CXorf38: variants seen among roughly 807,000 people sequenced by gnomAD.
CXorf38 encodes the protein chromosome X open reading frame 38.
A neutral mutation model predicts 27.5 loss-of-function variants in CXorf38; 13 were observed. The ratio of observed to expected loss-of-function variants is 0.47; its 90% CI spans 0.31 to 0.75. The LOEUF is 0.75. CXorf38 is among the 30% of genes least tolerant of loss of function. CXorf38 has a pLI of 0.05. For missense variants in CXorf38, 240 were observed against 253.2 expected, an observed-to-expected ratio of 0.95 and a Z score of 0.35; for synonymous variants, 100 against 99.8, an observed-to-expected ratio of 1.00 and a Z score of -0.01.
At position 40,647,558 on chromosome X, in the gene CXorf38, G is replaced by T. The variant is rs767557678; in HGVS notation, c.-38C>A. ...GAACCAGGAGGTTGCGGGGCGTGGC[G>T]GACGGCAGTGCGCAGGCGCGGAGCC... On this transcript the variant is annotated 5_prime_UTR_variant, in exon 1 of 7. Coordinates refer to ENST00000327877, the MANE Select transcript of CXorf38 (RefSeq NM_144970.3). The T allele has an allele frequency of 1.3e-4, 150 of 1,166,788 alleles. No homozygotes were observed. The highest frequency in any genetic ancestry group is 1.6e-4 in the Non-Finnish European group (144 of 880,813).
chrX:40,644,303 A>C (rs914846913), intron 2 of CXorf38, among the ~76,000 whole-genome samples: 6 of 112,322 alleles, frequency 5.3e-5, no homozygotes, highest in African/African-American at 1.3e-4. Flanking sequence ...GCAAGAGAAA[A>C]GGGATAAGAT....
In CXorf38 at chrX:40,632,299, G is replaced by A. The variant is rs183059670; in HGVS notation, c.802-1526C>T. Among the ~76,000 whole-genome samples, 7 of 111,748 alleles carry A rather than the reference G, an allele frequency of 6.3e-5. No individual in the cohort carries two copies. In the East Asian group the frequency reaches 1.7e-3, roughly 27 times the overall value. ...TTTCTCACATGATAACCCAGGAACG[G>A]TGGTCCTTGTGCTGCTACCTCCTGA... On this transcript the variant is annotated intron_variant, in intron 5 of 6. Coordinates refer to ENST00000327877, the MANE Select transcript of CXorf38 (RefSeq NM_144970.3).
Position 40,647,068 on chromosome X carries a change from T to A in CXorf38, c.290A>T (p.Asp97Val), listed in dbSNP as rs766106563. The change falls in exon 2 of 7, where the codon GAT (aspartate) becomes GTT (valine). Residue 97 changes from aspartate to valine, a missense_variant. Transcript: ENST00000327877. Reference sequence around the variant, plus strand: ...CGGCCGGCAGTTTCCCCAGTGCACATCTCCATTTCTGTTGACATGATGTCT... The same window carrying A: ...CGGCCGGCAGTTTCCCCAGTGCACAACTCCATTTCTGTTGACATGATGTCT... ...ILRHHVNRNG[D>V]VHWGNCRPGR... 1.7e-6 allele frequency: 2 copies of A among 1,211,596 alleles called. No individual in the cohort carries two copies. The highest frequency in any genetic ancestry group is 2.2e-6 in the Non-Finnish European group (2 of 895,257).
chrX:40,640,410 G>A (rs1192581062), intron 2 of CXorf38: 2 of 213,969 alleles, frequency 9.3e-6, no homozygotes, highest in African/African-American at 6.1e-5. Flanking sequence ...ATATCAATAG[G>A]CAAGCAACTA....
chrX:40,647,547 C>A lies in CXorf38; in HGVS notation c.-27G>T, dbSNP rs757012409. 3 of 1,167,540 alleles carry A rather than the reference C, an allele frequency of 2.6e-6. No individual in the cohort carries two copies. Among genetic ancestry groups the A allele is most frequent in the South Asian group, 1.9e-5 (1 of 53,658 alleles). The stretch of plus-strand genomic sequence containing the variant: ...TCTCCCACTTGGAACCAGGAGGTTG[C>A]GGGGCGTGGCGGACGGCAGTGCGCA... On this transcript the variant is annotated 5_prime_UTR_variant, in exon 1 of 7. Coordinates refer to ENST00000327877, the MANE Select transcript of CXorf38 (RefSeq NM_144970.3).
intron 5 of CXorf38, among the ~76,000 whole-genome samples, chrX:40,631,250 TATATAC>T (rs562257254): frequency 1.2e-3 from 46 of 37,284 alleles, no homozygotes; most frequent in African/African-American, 3.3e-3. Context: ...TATGTATATA[TATATAC>T]ACACACACAC....
chrX:40,633,693 T>TC (rs1297507509), intron 5 of CXorf38, among the ~76,000 whole-genome samples: 1 of 112,178 alleles, frequency 8.9e-6, no homozygotes, highest in African/African-American at 3.2e-5. Context: ...CACACTGTCA[T>TC]CGTCCCTTGT....
At chrX:40,642,609 G>C (rs1399697836) in intron 2 of CXorf38, among the ~76,000 whole-genome samples, 1 of 111,821 alleles carries the variant, frequency 8.9e-6, no homozygotes, top group Non-Finnish European at 1.9e-5. Context: ...GCAGTGGAGT[G>C]GCAGGGGCAG....
At chrX:40,646,686 A>ACAGGGAGG (rs1928595815) in intron 2 of CXorf38, among the ~76,000 whole-genome samples, 1 of 111,242 alleles carries the variant, frequency 9.0e-6, no homozygotes. Flanking sequence ...AGGCCACACA[A>ACAGGGAGG]GAGTCTCCCT....
chrX:40,645,935 T>TGAGATTGGGGAGCACAAGCTGGCCCAGTG (rs1569273385), intron 2 of CXorf38, among the ~76,000 whole-genome samples: 115 of 8,663 alleles, frequency 0.013, 44 homozygotes, highest in South Asian at 0.028. Flanking sequence ...CTTTCATTTT[T>TGAGATTGGGGAGCACAAGCTGGCCCAGTG]TTTTTTTTTT....
rs1927615433 is a variant in CXorf38, at chrX:40,628,139, T to C, written c.*2025A>G. ...ACTGTTGAAGTTTTCTCAAGGAATT[T>C]CATGAAATAAAGGGAGAAAGAAAAT... On this transcript the variant is annotated 3_prime_UTR_variant, in exon 7 of 7. Transcript: ENST00000327877. 8.9e-6 allele frequency: 1 copy of C among 112,121 alleles called. No individual in the cohort carries two copies. The highest frequency in any genetic ancestry group is 1.9e-5 in the Non-Finnish European group (1 of 53,283). 9.2% of individuals were successfully genotyped at this position (112,121 alleles called of 1,213,427 possible). A position where few individuals can be genotyped will look rare whatever the true frequency, so the allele number is the denominator to read the frequency against.
intron 2 of CXorf38, among the ~76,000 whole-genome samples, chrX:40,640,811 G>A (rs1301500701): frequency 7.3e-5 from 8 of 109,141 alleles, no homozygotes; most frequent in Admixed American, 5.9e-4. Flanking sequence ...GTGGTGGCAC[G>A]CGCCTGTAAT....
At chrX:40,643,931 A>T (rs1408516372) in intron 2 of CXorf38, among the ~76,000 whole-genome samples, 1 of 112,831 alleles carries the variant, frequency 8.9e-6, no homozygotes, top group African/African-American at 3.2e-5. Context: ...TCCACATTGT[A>T]ACTTGTATTA....
chrX:40,638,492 T>C (rs1198686922), intron 3 of CXorf38, among the ~76,000 whole-genome samples: 1 of 112,188 alleles, frequency 8.9e-6, no homozygotes, highest in Middle Eastern at 4.2e-3. Flanking sequence ...ACAAGCACAG[T>C]GATCTATTCT....
In CXorf38 at chrX:40,647,446, C is replaced by T. The variant is rs755299649; in HGVS notation, c.75G>A (p.Leu25=). 3.7e-5 allele frequency: 44 copies of T among 1,194,433 alleles called. No individual in the cohort carries two copies. Among genetic ancestry groups the T allele is most frequent in the Non-Finnish European group, 4.6e-5 (41 of 889,684 alleles). ...YKNWVKAGHC[L]LLLRSCLQGF... is the part of the protein sequence containing the mutation. Reference sequence around the variant, plus strand: ...CCTGCAGGCAGCTGCGCAGCAGTAACAGGCAGTGGCCCGCCTTCACCCAGT... The same window carrying T: ...CCTGCAGGCAGCTGCGCAGCAGTAATAGGCAGTGGCCCGCCTTCACCCAGT... Residue 25 remains leucine, a synonymous_variant, in exon 1 of 7, where the codon CTG becomes CTA. Transcript: ENST00000327877.
chrX:40,634,332 A>G (rs1233268078), intron 5 of CXorf38, among the ~76,000 whole-genome samples: 2 of 111,801 alleles, frequency 1.8e-5, no homozygotes, highest in Non-Finnish European at 3.8e-5. Flanking sequence ...TGGCCTCTGA[A>G]AGTGCCGGGA....
In CXorf38 at chrX:40,647,450, C is replaced by A; in HGVS notation, c.71G>T (p.Cys24Phe). ...CAGGCAGCTGCGCAGCAGTAACAGG[C>A]AGTGGCCCGCCTTCACCCAGTTCTT... ...EYKNWVKAGH[C>F]LLLLRSCLQG... Residue 24 changes from cysteine (C) to phenylalanine (F), a missense_variant, in exon 1 of 7, where the codon TGC becomes TTC. Transcript: ENST00000327877. 2 of 1,196,431 alleles carry A rather than the reference C, an allele frequency of 1.7e-6. No individual in the cohort carries two copies. Among genetic ancestry groups the A allele is most frequent in the Non-Finnish European group, 1.1e-6 (1 of 890,226 alleles).
At chrX:40,633,979 C>G (rs1332749420) in intron 5 of CXorf38, among the ~76,000 whole-genome samples, 1 of 110,875 alleles carries the variant, frequency 9.0e-6, no homozygotes, top group Non-Finnish European at 1.9e-5. Flanking sequence ...GGGGGCCAAG[C>G]AGCTGCTACT....
At chrX:40,644,288 C>T (rs1413808362) in intron 2 of CXorf38, among the ~76,000 whole-genome samples, 2 of 111,959 alleles carry the variant, frequency 1.8e-5, no homozygotes, top group African/African-American at 6.5e-5. Flanking sequence ...CCTCAAAGGC[C>T]TTGAGCAAGA....
Sources: gnomAD v4.1 joint callset for allele counts (sites outside exome capture counted in the v4.1 genomes callset) on GRCh38, gnomAD v4.1.1 for gene constraint, MANE v1.5 for transcripts, NCBI Gene and HGNC (gene_info 2026-07-23, HGNC 2026-07-21) for gene names.